The following CLNK variants were observed in gnomAD, a reference collection of about 807,000 sequenced individuals.
CLNK encodes cytokine dependent hematopoietic cell linker.
A neutral mutation model predicts 68.6 loss-of-function variants in CLNK; 74 were observed. That is an observed-to-expected ratio of 1.08 (90% CI 0.89 to 1.31). CLNK has a LOEUF of 1.31. Ranked by LOEUF, CLNK falls within the 50% of genes most tolerant of loss-of-function variation. The pLI is 0.00. For missense variants in CLNK, 553 were observed against 515.3 expected (o/e 1.07, Z -0.71); for synonymous variants, 198 against 172.2 (o/e 1.15, Z -1.17).
intron 8 of CLNK, among the ~76,000 whole-genome samples, chr4:10,547,619 T>C (rs1719286945): frequency 6.6e-6 from 1 of 152,146 alleles, no homozygotes; most frequent in Non-Finnish European, 1.5e-5. Context: ...ACTGAAACTT[T>C]GTCCCCTTTA....
intron 3 of CLNK, among the ~76,000 whole-genome samples, chr4:10,592,689 CTTG>C (rs869149553): frequency 5.3e-5 from 8 of 151,682 alleles, no homozygotes; most frequent in Admixed American, 1.3e-4. Flanking sequence ...TGAGCATCTA[CTTG>C]TTGTTTGTTT....
the CLNK span, among the ~76,000 whole-genome samples, chr4:10,728,450 T>C: frequency 1.3e-5 from 2 of 151,668 alleles, no homozygotes; most frequent in African/African-American, 4.8e-5. Context: ...ACCTTAGTGT[T>C]GAGAAATAAC....
intron 2 of CLNK, among the ~76,000 whole-genome samples, chr4:10,619,192 A>G (rs1298757864): frequency 6.6e-6 from 1 of 152,208 alleles, no homozygotes; most frequent in African/African-American, 2.4e-5. Flanking sequence ...ACACCCATGG[A>G]CCAAGTGCTG....
chr4:10,652,399 A>AAT (rs1409624835), intron 2 of CLNK, among the ~76,000 whole-genome samples: 1 of 150,796 alleles, frequency 6.6e-6, no homozygotes, highest in Non-Finnish European at 1.5e-5. Flanking sequence ...AAAAAAAAAA[A>AAT]AAAAGGAAAA....
intron 2 of CLNK, among the ~76,000 whole-genome samples, chr4:10,613,650 G>A (rs1231136173): frequency 6.6e-6 from 1 of 152,122 alleles, no homozygotes; most frequent in Non-Finnish European, 1.5e-5. Context: ...GTCATTGAGG[G>A]ATAAAGTGGA....
At chr4:10,512,372 A>G (rs1427371284) in intron 16 of CLNK, among the ~76,000 whole-genome samples, 1 of 152,072 alleles carries the variant, frequency 6.6e-6, no homozygotes, top group Non-Finnish European at 1.5e-5. Context: ...CTGGGATTAC[A>G]GGCATGTGCC....
intron 2 of CLNK, among the ~76,000 whole-genome samples, chr4:10,606,583 GCAGCA>G (rs1290206084): frequency 6.6e-6 from 1 of 152,110 alleles, no homozygotes; most frequent in Admixed American, 6.5e-5. Flanking sequence ...TTATATGCTG[GCAGCA>G]CAGTTTTGTT....
chr4:10,692,615 G>C, the CLNK span, among the ~76,000 whole-genome samples: 6 of 152,292 alleles, frequency 3.9e-5, no homozygotes, highest in African/African-American at 1.4e-4. Context: ...GAATTCTAAG[G>C]CACAATAATG....
At chr4:10,578,345 C>T (rs1720647250) in intron 4 of CLNK, among the ~76,000 whole-genome samples, 1 of 152,100 alleles carries the variant, frequency 6.6e-6, no homozygotes, top group African/African-American at 2.4e-5. Context: ...TGTTGATATC[C>T]ACCTGCTGAT....
In CLNK at chr4:10,489,510, G is replaced by A. The variant is rs940485213; in HGVS notation, c.*957C>T. On this transcript the variant is annotated 3_prime_UTR_variant, in exon 19 of 19. Coordinates refer to ENST00000226951, the MANE Select transcript of CLNK (RefSeq NM_052964.4). ...GCTACTTGAAGCAGATGATGCTGGA[G>A]GCTGGTCCCATGACCGTTTCACACC... 6.6e-6 allele frequency: 1 copy of A among 152,078 alleles called. No individual in the cohort carries two copies. Among genetic ancestry groups the A allele is most frequent in the African/African-American group, 2.4e-5 (1 of 41,414 alleles). The allele number at this position is 152,078 out of a possible 1,614,324, so 9.4% of individuals were successfully genotyped here. A position where few individuals can be genotyped will look rare whatever the true frequency, so the allele number is the denominator to read the frequency against.
chr4:10,573,696 A>G (rs1720439286), intron 4 of CLNK, among the ~76,000 whole-genome samples: 1 of 152,158 alleles, frequency 6.6e-6, no homozygotes, highest in African/African-American at 2.4e-5. Flanking sequence ...ATTTTAGAAA[A>G]TTGGCCTCAA....
intron 2 of CLNK, among the ~76,000 whole-genome samples, chr4:10,599,402 A>T (rs1273493864): frequency 6.6e-6 from 1 of 152,262 alleles, no homozygotes; most frequent in Non-Finnish European, 1.5e-5. Flanking sequence ...TTGACCATCT[A>T]GAAAGATGAT....
Position 10,542,656 on chromosome 4 carries a change from ATG to A in CLNK, c.446-378_446-377del, listed in dbSNP as rs140035866. Among the ~76,000 whole-genome samples the A allele has an allele frequency of 3.7e-3, 483 of 132,132 alleles. 4 individuals carry two copies. The highest frequency in any genetic ancestry group is 8.0e-3 in the South Asian group (32 of 4,020). 86.7% of individuals were successfully genotyped at this position (132,132 alleles called of 152,430 possible). A position where few individuals can be genotyped will look rare whatever the true frequency, so the allele number is the denominator to read the frequency against. ...TGTGTATATGTGTGTGTGTGTGTGT[ATG>A]TGTGTGTGTGTGTGTGTGTGTGTGT... On this transcript the variant is annotated intron_variant, in intron 8 of 18. Coordinates refer to ENST00000226951, the MANE Select transcript of CLNK (RefSeq NM_052964.4).
chr4:10,705,000 C>T, the CLNK span, among the ~76,000 whole-genome samples: 4 of 152,018 alleles, frequency 2.6e-5, no homozygotes, highest in South Asian at 2.1e-4. Context: ...ATGGCCCAAG[C>T]GTGGGGCATG....
chr4:10,529,101 C>T (rs1267873934), intron 12 of CLNK, among the ~76,000 whole-genome samples: 1 of 152,096 alleles, frequency 6.6e-6, no homozygotes, highest in Admixed American at 6.6e-5. Flanking sequence ...TTATATATTG[C>T]ATCAGTTGAA....
rs530810766 is a variant in CLNK, at chr4:10,608,350, TCTC to T, written c.12-10304_12-10302del. Among the ~76,000 whole-genome samples, 23 of 152,298 alleles carry T rather than the reference TCTC, an allele frequency of 1.5e-4. No homozygotes were observed. In the East Asian group the frequency reaches 4.0e-3, roughly 27 times the overall value. On this transcript the variant is annotated intron_variant, in intron 2 of 18. Transcript: ENST00000226951. ...GGCCTGCTAGGCCCATTCCCTCTCT[TCTC>T]CTCCTCTTCTCCCATCTCTACATCT...
the CLNK span, among the ~76,000 whole-genome samples, chr4:10,731,483 C>A: frequency 1.3e-5 from 2 of 152,236 alleles, no homozygotes; most frequent in South Asian, 4.2e-4. Flanking sequence ...CAGGCTTTTT[C>A]TATAACCTCA....
In CLNK at chr4:10,542,320, T is replaced by C. The variant is rs367905512; in HGVS notation, c.446-40A>G. On this transcript the variant is annotated intron_variant, in intron 8 of 18. Coordinates refer to ENST00000226951, the MANE Select transcript of CLNK (RefSeq NM_052964.4). ...GGAATAGCAGTGAATTTATGGAAAA[T>C]GTCATCAAGCATTGATTTTATACAC... 1.4e-4 allele frequency: 188 copies of C among 1,387,834 alleles called. 1 individual carries two copies. In the Middle Eastern group the frequency reaches 2.7e-3, roughly 20 times the overall value. The allele number at this position is 1,387,834 out of a possible 1,614,324, so 86.0% of individuals were successfully genotyped here. A position where few individuals can be genotyped will look rare whatever the true frequency, so the allele number is the denominator to read the frequency against.
the CLNK span, among the ~76,000 whole-genome samples, chr4:10,712,355 TATAACA>T: frequency 2.4e-3 from 369 of 152,168 alleles, 2 homozygotes; most frequent in African/African-American, 8.4e-3. Context: ...TTGCAAAGAT[TATAACA>T]ATAACAATGA....
Sources: allele counts gnomAD v4.1 joint callset (sites outside exome capture counted in the v4.1 genomes callset), GRCh38; gene constraint gnomAD v4.1.1; transcripts MANE v1.5; gene names NCBI Gene and HGNC (gene_info 2026-07-23, HGNC 2026-07-21).